THRB: variants seen among roughly 807,000 people sequenced by gnomAD.
The protein encoded by THRB is nuclear receptor subfamily 1 group A member 2.
THRB carries 12 observed loss-of-function variants against 47.8 expected under a neutral mutation model. The ratio of observed to expected loss-of-function variants is 0.25; its 90% CI spans 0.16 to 0.41. THRB has a LOEUF of 0.41. THRB is among the 10% of genes least tolerant of loss of function. THRB has a pLI of 1.00. For synonymous variants in THRB, 218 were observed against 212.2 expected (o/e 1.03, Z -0.24); for missense variants, 348 against 589.2 (o/e 0.59, Z 4.24).
intron 1 of THRB, among the ~76,000 whole-genome samples, chr3:24,364,694 G>A (rs1210444392): frequency 6.6e-6 from 1 of 152,046 alleles, no homozygotes; most frequent in Non-Finnish European, 1.5e-5. Context: ...CTGTTCTCTA[G>A]GGAAAGGGCT....
intron 1 of THRB, among the ~76,000 whole-genome samples, chr3:24,379,998 T>C (rs934354838): frequency 6.6e-6 from 1 of 151,562 alleles, no homozygotes; most frequent in African/African-American, 2.4e-5. Flanking sequence ...GTTCCTTCCT[T>C]TATATGCCCA....
At chr3:24,491,629 T>C in intron 1 of THRB, among the ~76,000 whole-genome samples, 1 of 152,220 alleles carries the variant, frequency 6.6e-6, no homozygotes, top group East Asian at 1.9e-4. Flanking sequence ...TTTTGCCCCC[T>C]CACCAACCAC....
intron 1 of THRB, among the ~76,000 whole-genome samples, chr3:24,341,183 C>A (rs7429243): frequency 8.5e-5 from 4 of 47,128 alleles, no homozygotes; most frequent in African/African-American, 5.8e-4. Context: ...CTTTCCTTTC[C>A]TTTCGTTTCC....
At chr3:24,453,119 T>C (rs1359270024) in intron 1 of THRB, among the ~76,000 whole-genome samples, 1 of 152,136 alleles carries the variant, frequency 6.6e-6, no homozygotes, top group Non-Finnish European at 1.5e-5. Flanking sequence ...TACCTGTCAG[T>C]TGTCTTTGAA....
intron 1 of THRB, among the ~76,000 whole-genome samples, chr3:24,450,537 T>C (rs1007693160): frequency 6.6e-6 from 1 of 152,210 alleles, no homozygotes; most frequent in Non-Finnish European, 1.5e-5. Context: ...ACTACCCAAT[T>C]TATCTATGAG....
intron 5 of THRB, among the ~76,000 whole-genome samples, chr3:24,187,846 C>T (rs2042795782): frequency 6.6e-6 from 1 of 152,166 alleles, no homozygotes; most frequent in African/African-American, 2.4e-5. Flanking sequence ...CACATGTGCC[C>T]ATTTTGAATG....
At chr3:24,446,730 G>T (rs1351691607) in intron 1 of THRB, among the ~76,000 whole-genome samples, 2 of 152,160 alleles carry the variant, frequency 1.3e-5, no homozygotes, top group Admixed American at 6.6e-5. Flanking sequence ...TTTGTGGGGT[G>T]CTCTCTATGG....
chr3:24,130,509 TG>T (rs1475477214), intron 9 of THRB, among the ~76,000 whole-genome samples: 3 of 151,888 alleles, frequency 2.0e-5, no homozygotes, highest in Non-Finnish European at 4.4e-5. Flanking sequence ...TGGCTAGAGT[TG>T]TAGGGGTGAC....
chr3:24,182,061 C>T (rs1028683661), intron 5 of THRB, among the ~76,000 whole-genome samples: 16 of 152,108 alleles, frequency 1.1e-4, no homozygotes, highest in South Asian at 2.1e-4. Context: ...GTTAGCCGGG[C>T]GTGGTGGCGG....
At chr3:24,391,542 AC>A (rs770855363) in intron 1 of THRB, among the ~76,000 whole-genome samples, 7 of 152,212 alleles carry the variant, frequency 4.6e-5, no homozygotes, top group Non-Finnish European at 1.0e-4. Context: ...TTATTTTTAA[AC>A]AATGGTAAAT....
At chr3:24,172,307 G>A (rs182736172) in intron 5 of THRB, among the ~76,000 whole-genome samples, 64 of 152,146 alleles carry the variant, frequency 4.2e-4, no homozygotes, top group Admixed American at 9.2e-4. Context: ...CTTTACCAAC[G>A]AGGAAAGCTG....
intron 1 of THRB, among the ~76,000 whole-genome samples, chr3:24,349,276 G>A (rs1036551495): frequency 6.6e-6 from 1 of 152,048 alleles, no homozygotes; most frequent in East Asian, 1.9e-4. Context: ...CCCTAAATTA[G>A]TATATAGATT....
At position 24,199,488 on chromosome 3, in the gene THRB, T is replaced by A. The variant is rs2044349548; in HGVS notation, c.23-9154A>T. Among the ~76,000 whole-genome samples, 3 of 152,204 alleles carry A rather than the reference T, an allele frequency of 2.0e-5. No homozygotes were observed. In the South Asian group the frequency reaches 6.2e-4, roughly 32 times the overall value. On this transcript the variant is annotated intron_variant, in intron 4 of 10. Coordinates refer to ENST00000646209, the MANE Select transcript of THRB (RefSeq NM_001354712.2). ...GCTTCTCCTATTTCATTGGTGGGGA[T>A]TATCAGTCCATTAAGTGGGTGAGAT...
At chr3:24,403,066 A>G (rs938036289) in intron 1 of THRB, among the ~76,000 whole-genome samples, 4 of 152,056 alleles carry the variant, frequency 2.6e-5, no homozygotes, top group African/African-American at 9.6e-5. Context: ...TTTGTCACAC[A>G]GCAAGAAAAA....
intron 1 of THRB, among the ~76,000 whole-genome samples, chr3:24,442,812 G>A (rs2071667177): frequency 7.4e-6 from 1 of 135,564 alleles, no homozygotes; most frequent in Admixed American, 7.8e-5. Context: ...CAACAAGAGT[G>A]AAACTCCGTC....
intron 2 of THRB, among the ~76,000 whole-genome samples, chr3:24,321,286 G>A (rs2058466519): frequency 6.6e-6 from 1 of 152,098 alleles, no homozygotes; most frequent in Admixed American, 6.5e-5. Flanking sequence ...AGGCCCAAAA[G>A]CAGGGTCTCT....
intron 2 of THRB, among the ~76,000 whole-genome samples, chr3:24,334,628 T>C (rs2062126310): frequency 6.6e-6 from 1 of 152,176 alleles, no homozygotes. Flanking sequence ...AATTACATGC[T>C]CAGCGCCTCC....
chr3:24,348,291 G>A (rs916957546), intron 1 of THRB, among the ~76,000 whole-genome samples: 1 of 152,050 alleles, frequency 6.6e-6, no homozygotes, highest in Non-Finnish European at 1.5e-5. Flanking sequence ...TAGGTGTATG[G>A]CAAATTTTGA....
At chr3:24,452,920 T>G (rs1374327205) in intron 1 of THRB, among the ~76,000 whole-genome samples, 1 of 152,156 alleles carries the variant, frequency 6.6e-6, no homozygotes, top group African/African-American at 2.4e-5. Context: ...AGTTCGAATT[T>G]GAATACCAGC....
Sources: allele counts gnomAD v4.1 joint callset (sites outside exome capture counted in the v4.1 genomes callset), GRCh38; gene constraint gnomAD v4.1.1; transcripts MANE v1.5; gene names NCBI Gene and HGNC (gene_info 2026-07-23, HGNC 2026-07-21).